Variants in SPECC1 observed in about 807,000 individuals in gnomAD.
SPECC1 encodes the protein sperm antigen with calponin homology and coiled-coil domains 1.
SPECC1 carries 62 observed loss-of-function variants against 104.1 expected under a neutral mutation model. The ratio of observed to expected loss-of-function variants is 0.60; its 90% CI spans 0.49 to 0.74. The LOEUF is 0.74. Among genes scored for constraint, SPECC1 ranks in the 30% least tolerant of loss-of-function variants. SPECC1 has a pLI of 0.00. For missense variants in SPECC1, 1,306 were observed against 1,310.5 expected (o/e 1.00, Z 0.05); for synonymous variants, 513 against 501.6 (o/e 1.02, Z -0.30).
chr17:20,313,901 G>T, intron 14 of SPECC1, 75 bp from the exon 15 acceptor site: 1 of 1,391,920 alleles, frequency 7.2e-7, no homozygotes. Context: ...GCCCTAACCT[G>T]GACTGAAGTC....
intron 4 of SPECC1, among the ~76,000 whole-genome samples, chr17:20,210,744 C>G (rs920666913): frequency 6.6e-6 from 1 of 152,238 alleles, no homozygotes; most frequent in Admixed American, 6.5e-5. Flanking sequence ...GTAGCGCCTT[C>G]CGGTGCTGCC....
At chr17:20,260,153 A>C in intron 11 of SPECC1, 39 bp from the exon 12 acceptor site, 2 of 1,514,554 alleles carry the variant, frequency 1.3e-6, no homozygotes, top group African/African-American at 2.8e-5. Context: ...TCTAAGTATT[A>C]GCATCTTCTC....
At chr17:20,221,489 G>A (rs1197780749) in intron 4 of SPECC1, among the ~76,000 whole-genome samples, 3 of 152,022 alleles carry the variant, frequency 2.0e-5, no homozygotes. Flanking sequence ...TTGAATTTCG[G>A]TAGTATTGGT....
intron 3 of SPECC1, among the ~76,000 whole-genome samples, chr17:20,118,514 T>C (rs908189386): frequency 6.6e-6 from 1 of 152,242 alleles, no homozygotes; most frequent in Non-Finnish European, 1.5e-5. Context: ...TGTGTACTGA[T>C]AGGGAAAGAT....
intron 3 of SPECC1, among the ~76,000 whole-genome samples, chr17:20,115,939 G>A (rs763615873): frequency 6.6e-6 from 1 of 152,164 alleles, no homozygotes; most frequent in Non-Finnish European, 1.5e-5. Flanking sequence ...GGAACAAAAT[G>A]ATGATTGTAA....
At chr17:20,291,730 A>C (rs1251569522) in intron 12 of SPECC1, among the ~76,000 whole-genome samples, 1 of 151,996 alleles carries the variant, frequency 6.6e-6, no homozygotes, top group African/African-American at 2.4e-5. Flanking sequence ...TTTTTAGTAG[A>C]GATGGGATTT....
At position 20,012,279 on chromosome 17, in the gene SPECC1, A is replaced by G. The variant is rs1288940497; in HGVS notation, c.-22+2855A>G. ...TATTAATCTCAAGTTTATTGATGGT[A>G]ATTCAGGTTTTCTGCATCCTTAACT... On this transcript the variant is annotated intron_variant, in intron 1 of 14. Transcript: ENST00000395527. 2.0e-5 allele frequency among the ~76,000 whole-genome samples: 3 copies of G among 152,060 alleles called. No individual in the cohort carries two copies. In the East Asian group the frequency reaches 5.8e-4, roughly 29 times the overall value.
intron 1 of SPECC1, among the ~76,000 whole-genome samples, chr17:20,032,243 T>C (rs1279482394): frequency 6.6e-6 from 1 of 152,204 alleles, no homozygotes; most frequent in Admixed American, 6.5e-5. Flanking sequence ...TGTATCTGTT[T>C]GTGGTTCTTT....
At position 20,117,429 on chromosome 17, in the gene SPECC1, G is replaced by T. The variant is rs184727472; in HGVS notation, c.283+6867G>T. Among the ~76,000 whole-genome samples the T allele has an allele frequency of 6.5e-3, 981 of 152,088 alleles. 18 individuals carry two copies. The highest frequency in any genetic ancestry group is 3.7e-3 in the Non-Finnish European group (249 of 67,992). On this transcript the variant is annotated intron_variant, in intron 3 of 14. Transcript: ENST00000395527. ...ATAAGAAACTTCTTTGCAAAAAGAA[G>T]AAATTATTTGCAATACATGTAACAA...
At chr17:20,249,854 C>T (rs938356593) in intron 9 of SPECC1, among the ~76,000 whole-genome samples, 2 of 151,768 alleles carry the variant, frequency 1.3e-5, no homozygotes, top group Non-Finnish European at 1.5e-5. Context: ...TTGGAGTCCC[C>T]AAAAGGGGAG....
At chr17:20,208,455 C>G (rs935715010) in intron 4 of SPECC1, among the ~76,000 whole-genome samples, 1 of 152,218 alleles carries the variant, frequency 6.6e-6, no homozygotes, top group African/African-American at 2.4e-5. Flanking sequence ...GATTGTATCT[C>G]TACCACAGAC....
At chr17:20,031,581 C>T (rs2044814755) in intron 1 of SPECC1, among the ~76,000 whole-genome samples, 1 of 152,026 alleles carries the variant, frequency 6.6e-6, no homozygotes, top group Non-Finnish European at 1.5e-5. Flanking sequence ...ATTGTTGTAC[C>T]ACCCTCACCA....
At chr17:20,241,391 A>T (rs961293506) in intron 7 of SPECC1, among the ~76,000 whole-genome samples, 6 of 151,686 alleles carry the variant, frequency 4.0e-5, no homozygotes, top group African/African-American at 1.5e-4. Flanking sequence ...CTTGTTCCTG[A>T]TCCTTTGCCA....
chr17:20,042,122 G>C (rs1345503372), intron 1 of SPECC1, among the ~76,000 whole-genome samples: 3 of 152,156 alleles, frequency 2.0e-5, no homozygotes, highest in Non-Finnish European at 4.4e-5. Flanking sequence ...ATTTAAACCT[G>C]TTTTGAACAC....
At chr17:20,234,527 C>T (rs570558770) in intron 7 of SPECC1, among the ~76,000 whole-genome samples, 49 of 152,328 alleles carry the variant, frequency 3.2e-4, no homozygotes, top group African/African-American at 1.2e-3. Flanking sequence ...GCTCCGGAAG[C>T]CACCTAGTGT....
chr17:20,236,817 GTAAC>G (rs1205456917), intron 7 of SPECC1: 2 of 1,612,748 alleles, frequency 1.2e-6, no homozygotes, highest in Non-Finnish European at 1.7e-6. Flanking sequence ...ATTGCCTTAG[GTAAC>G]TCCTTTACAG....
chr17:20,259,542 G>C (rs2039951359), intron 11 of SPECC1, among the ~76,000 whole-genome samples: 1 of 151,986 alleles, frequency 6.6e-6, no homozygotes, highest in Admixed American at 6.6e-5. Context: ...GTCTTGCTCT[G>C]TTGCCCGGGC....
At chr17:20,046,856 G>A (rs1035558309) in intron 1 of SPECC1, among the ~76,000 whole-genome samples, 8 of 142,366 alleles carry the variant, frequency 5.6e-5, no homozygotes, top group African/African-American at 7.7e-5. Flanking sequence ...ACAAGGATCC[G>A]GAGGGCACGT....
chr17:20,220,509 A>G (rs1466656032), intron 4 of SPECC1, among the ~76,000 whole-genome samples: 1 of 148,534 alleles, frequency 6.7e-6, no homozygotes, highest in Non-Finnish European at 1.5e-5. Context: ...TGATTTTTGC[A>G]TGTTGATTTT....
Sources: allele counts gnomAD v4.1 joint callset (sites outside exome capture counted in the v4.1 genomes callset), GRCh38; gene constraint gnomAD v4.1.1; transcripts MANE v1.5; gene names NCBI Gene and HGNC (gene_info 2026-07-23, HGNC 2026-07-21).